ZNF106: variants seen among roughly 807,000 people sequenced by gnomAD.
The protein encoded by ZNF106 is SH3-domain binding protein 3.
ZNF106 carries 67 observed loss-of-function variants against 195.1 expected under a neutral mutation model. That is an observed-to-expected ratio of 0.34 (90% CI 0.28 to 0.42). The LOEUF is 0.42. ZNF106 is among the 10% of genes least tolerant of loss of function. ZNF106 has a pLI of 1.00. For missense variants in ZNF106, 2,118 were observed against 2,304.5 expected (o/e 0.92, Z 1.66); for synonymous variants, 784 against 818.6 (o/e 0.96, Z 0.72).
intron 1 of ZNF106, among the ~76,000 whole-genome samples, chr15:42,483,379 C>T (rs1323287615): frequency 6.6e-6 from 1 of 152,138 alleles, no homozygotes; most frequent in Non-Finnish European, 1.5e-5. Context: ...TCAAAGAAGA[C>T]ATATCCTCCA....
In ZNF106 at chr15:42,421,091, C is replaced by T. The variant is rs2054637879; in HGVS notation, c.5487G>A (p.Arg1829=). 3 of 1,614,134 alleles carry T rather than the reference C, an allele frequency of 1.9e-6. No homozygotes were observed. The highest frequency in any genetic ancestry group is 2.5e-6 in the Non-Finnish European group (3 of 1,180,026). The change falls in exon 20 of 22, where the codon AGG becomes AGA. Residue 1829 remains arginine, a synonymous_variant. Transcript: ENST00000564754. The part of the protein sequence containing the change: ...GCYDGSIQAV[R]LNLMQNYRCW... ...AGCGGTAATTCTGCATCAGATTAAG[C>T]CTCACGGCCTGAATACTGCCATCAT...
chr15:42,441,020 T>A (rs1285584959), intron 10 of ZNF106, among the ~76,000 whole-genome samples: 729 of 38,882 alleles, frequency 0.019, 86 homozygotes, highest in African/African-American at 0.1. Context: ...TATATATATA[T>A]ATATATATAT....
In ZNF106 at chr15:42,451,511, C is replaced by T; in HGVS notation, c.761G>A (p.Ser254Asn). 1 of 1,614,220 alleles carries T rather than the reference C, an allele frequency of 6.2e-7. No homozygotes were observed. Among genetic ancestry groups the T allele is most frequent in the South Asian group, 1.1e-5 (1 of 91,086 alleles). ...GCCACTGTAATTCCAATTATTTGTA[C>T]TACGTACACTGGATTTCCAGTTTCC... The part of the protein sequence containing the change: ...SNGNWKSSVR[S>N]TNNWNYSGPG... The change falls in exon 5 of 22, where the codon AGT (serine) becomes AAT (asparagine). Residue 254 changes from serine to asparagine, a missense_variant. Ser to Asn is a conservative substitution (Grantham distance 46, BLOSUM62 1). Coordinates refer to ENST00000564754, the MANE Select transcript of ZNF106 (RefSeq NM_001366845.3).
At chr15:42,424,484 T>A (rs1175730575) in intron 16 of ZNF106, 2 of 270,214 alleles carry the variant, frequency 7.4e-6, no homozygotes, top group African/African-American at 4.4e-5. Context: ...AACCCTTCTT[T>A]GTTTTGTTTT....
At chr15:42,465,680 A>G (rs1286850072) in intron 3 of ZNF106, among the ~76,000 whole-genome samples, 1 of 152,220 alleles carries the variant, frequency 6.6e-6, no homozygotes, top group Non-Finnish European at 1.5e-5. Context: ...TTCCAGCAAT[A>G]CTAAACGTTT....
At chr15:42,435,641 C>T (rs765170110) in intron 13 of ZNF106, 123 bp from the exon 14 acceptor site, 43 of 1,153,976 alleles carry the variant, frequency 3.7e-5, no homozygotes, top group South Asian at 1.0e-4. Flanking sequence ...TCTAAAACAG[C>T]ACCTGGTACA....
Position 42,428,025 on chromosome 15 carries a change from T to C in ZNF106, c.4991A>G (p.Asn1664Ser). 6.2e-7 allele frequency: 1 copy of C among 1,613,714 alleles called. No individual in the cohort carries two copies. Among genetic ancestry groups the C allele is most frequent in the Non-Finnish European group, 8.5e-7 (1 of 1,179,636 alleles). ...TCTCCTCCAACCACTAACCTTTATG[T>C]TGAAGGTGACCACAGTGCCATTTGC... ...GLANGTVVTF[N>S]IKNNKRLEIF... The change falls in exon 15 of 22, where the codon AAC becomes AGC. Residue 1664 changes from asparagine to serine, a missense_variant. Physicochemically the swap from Asn to Ser is conservative, Grantham distance 46. Coordinates refer to ENST00000564754, the MANE Select transcript of ZNF106 (RefSeq NM_001366845.3).
intron 3 of ZNF106, among the ~76,000 whole-genome samples, chr15:42,458,600 C>T (rs556894857): frequency 1.3e-4 from 19 of 151,416 alleles, no homozygotes; most frequent in Non-Finnish European, 2.2e-4. Context: ...CCCAGCTATT[C>T]GGGAGGCTGA....
chr15:42,482,778 C>T (rs1595500085), intron 1 of ZNF106, among the ~76,000 whole-genome samples: 1 of 152,266 alleles, frequency 6.6e-6, no homozygotes, highest in East Asian at 1.9e-4. Context: ...ATCCACCCAC[C>T]TCGACCTCCC....
rs2055917243 is a variant in ZNF106 at position 42,449,794 on chromosome 15, T to G, written c.2478A>C (p.Gln826His). Residue 826 changes from glutamine to histidine, a missense_variant, in exon 5 of 22, where the codon CAA becomes CAC. Transcript: ENST00000564754. ...QVIQQVTKKK[Q>H]ELGKGLPRFG... ...ACCTGGGTAAGCCTTTGCCCAGCTC[T>G]TGCTTTTTCTTGGTTACTTGCTGAA... is the stretch of plus-strand genomic sequence containing the variant. The G allele has an allele frequency of 1.9e-6, 3 of 1,614,014 alleles. No individual in the cohort carries two copies. In the African/African-American group the frequency reaches 4.0e-5, roughly 22 times the overall value.
intron 1 of ZNF106, among the ~76,000 whole-genome samples, chr15:42,486,640 T>C (rs1817924617): frequency 6.6e-6 from 1 of 152,094 alleles, no homozygotes; most frequent in South Asian, 2.1e-4. Flanking sequence ...ATTTAGAAGT[T>C]TGGTGATGTT....
chr15:42,454,890 C>A (rs1294960794), intron 4 of ZNF106, among the ~76,000 whole-genome samples: 1 of 150,500 alleles, frequency 6.6e-6, no homozygotes, highest in Non-Finnish European at 1.5e-5. Flanking sequence ...CAGACCGACA[C>A]CCTGTCTCAA....
In ZNF106 at chr15:42,450,778, G is replaced by GT; in HGVS notation, c.1493dup (p.Asn498LysfsTer24). ...CAGGGGAAAAAAAATTTGTTTTGGT[G>GT]TTTTTTGAGATATTCTTTGGATCTT... On this transcript the variant is annotated frameshift_variant, in exon 5 of 22. Transcript: ENST00000564754. LOFTEE classifies it high-confidence loss of function. 1 of 1,614,138 alleles carries GT rather than the reference G, an allele frequency of 6.2e-7. No individual in the cohort carries two copies. Among genetic ancestry groups the GT allele is most frequent in the Non-Finnish European group, 8.5e-7 (1 of 1,180,012 alleles).
chr15:42,481,234 A>G (rs2056892043), intron 1 of ZNF106, among the ~76,000 whole-genome samples: 1 of 151,952 alleles, frequency 6.6e-6, no homozygotes, highest in African/African-American at 2.4e-5. Flanking sequence ...TCAACTTTCC[A>G]TCTGGTATCA....
chr15:42,437,167 A>G, intron 13 of ZNF106, 65 bp downstream of exon 13: 1 of 1,534,612 alleles, frequency 6.5e-7, no homozygotes, highest in Non-Finnish European at 8.8e-7. Context: ...TATTGTTTAA[A>G]AAAGTATAAA....
At chr15:42,487,859 C>T (rs1169608465) in intron 1 of ZNF106, among the ~76,000 whole-genome samples, 1 of 152,148 alleles carries the variant, frequency 6.6e-6, no homozygotes, top group Non-Finnish European at 1.5e-5. Context: ...CTATCCTCCA[C>T]AGAGGATATT....
In ZNF106 at chr15:42,483,967, A is replaced by C. The variant is rs1486569074; in HGVS notation, c.-33+7013T>G. Among the ~76,000 whole-genome samples, 3 of 152,142 alleles carry C rather than the reference A, an allele frequency of 2.0e-5. No homozygotes were observed. The South Asian group carries it at 6.2e-4, about 32-fold the overall frequency. On this transcript the variant is annotated intron_variant, in intron 1 of 21. Coordinates refer to ENST00000564754, the MANE Select transcript of ZNF106 (RefSeq NM_001366845.3). ...CTGTGCACTGCTCTTCTGAAACCCT[A>C]TCTCTTCTTTATAACACTTATCCCA...
In ZNF106 at chr15:42,415,531, C is replaced by A; in HGVS notation, c.*1773G>T. On this transcript the variant is annotated 3_prime_UTR_variant, in exon 22 of 22. Coordinates refer to ENST00000564754, the MANE Select transcript of ZNF106 (RefSeq NM_001366845.3). ...CACACAATTTCTGGGGGCTCACAGACCCTCTTGAAGCCTATCCATAAACCC... is the reference window on the plus strand; with the variant it reads ...CACACAATTTCTGGGGGCTCACAGAACCTCTTGAAGCCTATCCATAAACCC... The A allele has an allele frequency of 2.2e-6, 1 of 454,852 alleles. No homozygotes were observed. The allele number at this position is 454,852 out of a possible 1,614,324, so 28.2% of individuals were successfully genotyped here. A position where few individuals can be genotyped will look rare whatever the true frequency, so the allele number is the denominator to read the frequency against.
rs200457966 is a variant in ZNF106, at chr15:42,468,068, C to CTTTTTTTT, written c.55-1962_55-1955dup. On this transcript the variant is annotated intron_variant, in intron 2 of 21. Coordinates refer to ENST00000564754, the MANE Select transcript of ZNF106 (RefSeq NM_001366845.3). Reference sequence around the variant, plus strand: ...TAAACAGGGTTGTGATTCAAAACGCCTTTTTTTTTTTTTTTTTTTTTTTTT... The same window carrying CTTTTTTTT: ...TAAACAGGGTTGTGATTCAAAACGCCTTTTTTTTTTTTTTTTTTTTTTTTTTTTTTTTT... Among the ~76,000 whole-genome samples the CTTTTTTTT allele has an allele frequency of 2.2e-4, 22 of 102,112 alleles. 1 individual carries two copies. Among genetic ancestry groups the CTTTTTTTT allele is most frequent in the African/African-American group, 3.6e-4 (9 of 24,686 alleles). The allele number at this position is 102,112 out of a possible 152,430, so 67.0% of individuals were successfully genotyped here.
Sources: gnomAD v4.1 joint callset for allele counts (sites outside exome capture counted in the v4.1 genomes callset) on GRCh38, gnomAD v4.1.1 for gene constraint, MANE v1.5 for transcripts, NCBI Gene and HGNC (gene_info 2026-07-23, HGNC 2026-07-21) for gene names.